The following SVEP1 variants were observed in gnomAD, a reference collection of about 807,000 sequenced individuals.
SVEP1 encodes sushi, von Willebrand factor type A, EGF and pentraxin domain containing 1, also known as sushi, von Willebrand factor type A, EGF and pentraxin domain-containing protein 1.
In SVEP1, 164 loss-of-function variants were observed where a neutral mutation model predicts 367.3. The observed-to-expected ratio is 0.45, with a 90% confidence interval of 0.39 to 0.51. The LOEUF (loss-of-function observed/expected upper bound fraction) is 0.51, where lower values mean the gene tolerates loss of function less well. Ranked by LOEUF, SVEP1 falls within the 20% of genes least tolerant of loss-of-function variation. SVEP1 has a pLI of 0.00. For missense variants in SVEP1, 4,117 were observed against 4,425.3 expected (o/e 0.93, Z 1.98); for synonymous variants, 1,666 against 1,611.6 (o/e 1.03, Z -0.81).
intron 36 of SVEP1, 39 bp from the exon 37 acceptor site, chr9:110,411,774 A>G (rs1325721044): frequency 6.9e-7 from 1 of 1,442,572 alleles, no homozygotes; most frequent in South Asian, 1.5e-5. Flanking sequence ...ACTAAGCATA[A>G]TATTTGAGAA....
chr9:110,512,439 T>G (rs1234398982), intron 5 of SVEP1, among the ~76,000 whole-genome samples: 1 of 152,140 alleles, frequency 6.6e-6, no homozygotes, highest in Non-Finnish European at 1.5e-5. Flanking sequence ...CACTTTCTAT[T>G]GGCCTGAATA....
intron 1 of SVEP1, among the ~76,000 whole-genome samples, chr9:110,570,105 A>C (rs1830537547): frequency 6.6e-6 from 1 of 152,206 alleles, no homozygotes; most frequent in Non-Finnish European, 1.5e-5. Flanking sequence ...TCCAAACCAG[A>C]GCAGGTTACT....
chr9:110,432,518 G>A lies in SVEP1; in HGVS notation c.5177C>T (p.Ser1726Leu). The A allele has an allele frequency of 2.5e-6, 4 of 1,613,846 alleles. No homozygotes were observed. The highest frequency in any genetic ancestry group is 3.4e-6 in the Non-Finnish European group (4 of 1,179,808). ...CNNGYYLLGD[S>L]RMFCTDNGSW... ...CCCATTATCTGTACAGAACATCCTT[G>A]AGTCACCCAATAGATAGTAGCCATT... The change falls in exon 31 of 48, where the codon TCA becomes TTA. Residue 1726 changes from serine to leucine, a missense_variant. Physicochemically the swap from Ser to Leu is moderately radical, Grantham distance 145 (BLOSUM62 -2). Transcript: ENST00000374469.
intron 43 of SVEP1, among the ~76,000 whole-genome samples, chr9:110,382,195 T>C (rs1588022100): frequency 6.6e-6 from 1 of 151,524 alleles, no homozygotes; most frequent in African/African-American, 2.5e-5. Context: ...TACTTCAGGG[T>C]GTTTTTTGTA....
chr9:110,458,888 C>T (rs1295137494), intron 19 of SVEP1, 64 bp downstream of exon 19: 2 of 1,559,460 alleles, frequency 1.3e-6, no homozygotes, highest in Non-Finnish European at 8.7e-7. Context: ...ACTGAAGCTA[C>T]AACAGAGACA....
chr9:110,366,466 A>G lies in SVEP1; in HGVS notation c.*73T>C. The G allele has an allele frequency of 7.0e-7, 1 of 1,424,888 alleles. No homozygotes were observed. Among genetic ancestry groups the G allele is most frequent in the East Asian group, 2.5e-5 (1 of 40,254 alleles). The allele number at this position is 1,424,888 out of a possible 1,614,324, so 88.3% of individuals were successfully genotyped here. A position where few individuals can be genotyped will look rare whatever the true frequency, so the allele number is the denominator to read the frequency against. On this transcript the variant is annotated 3_prime_UTR_variant, in exon 48 of 48. Transcript: ENST00000374469. Reference sequence around the variant, plus strand: ...CACCATGTTGGACTTTCTTTGCATAAGTTCCAGGATGCCCAGGCACTACCG... The same window carrying G: ...CACCATGTTGGACTTTCTTTGCATAGGTTCCAGGATGCCCAGGCACTACCG...
At chr9:110,505,662 A>C (rs567880003) in intron 5 of SVEP1, among the ~76,000 whole-genome samples, 2 of 151,556 alleles carry the variant, frequency 1.3e-5, no homozygotes, top group Non-Finnish European at 2.9e-5. Flanking sequence ...ATATCCAATA[A>C]CCTTTTTTAA....
intron 1 of SVEP1, among the ~76,000 whole-genome samples, chr9:110,554,911 G>GTT (rs1469429594): frequency 6.6e-6 from 1 of 152,106 alleles, no homozygotes; most frequent in Non-Finnish European, 1.5e-5. Context: ...CCAATTATCT[G>GTT]TTATGATTGA....
chr9:110,379,244 G>A, intron 44 of SVEP1, 103 bp downstream of exon 44: 1 of 1,289,382 alleles, frequency 7.8e-7, no homozygotes, highest in Non-Finnish European at 1.0e-6. Context: ...TTAAAGCCAA[G>A]GAAAAATAAA....
chr9:110,387,459 C>CTAAAAACAAGAA lies in SVEP1; in HGVS notation c.9887-13_9887-2dup, dbSNP rs769876413. On this transcript the variant is annotated splice_acceptor_variant, in intron 41 of 47. Transcript: ENST00000374469. LOFTEE classifies it high-confidence loss of function. ...TCAAGTGGAGTTTCACACCTGGTCT[C>CTAAAAACAAGAA]TAAAAACAAGAATAAAAGCCTCATA... The CTAAAAACAAGAA allele has an allele frequency of 6.3e-7, 1 of 1,595,188 alleles. No individual in the cohort carries two copies. The highest frequency in any genetic ancestry group is 1.1e-5 in the South Asian group (1 of 87,262).
At chr9:110,450,467 G>GTTTTTTTT (rs10656079) in intron 23 of SVEP1, among the ~76,000 whole-genome samples, 3 of 102,106 alleles carry the variant, frequency 2.9e-5, no homozygotes, top group African/African-American at 7.4e-5. Flanking sequence ...TTGATAATCT[G>GTTTTTTTT]TTTTTTTTTT....
intron 41 of SVEP1, 115 bp from the exon 42 acceptor site, chr9:110,387,573 TGTGTGAAGCA>T (rs1356025860): frequency 4.3e-6 from 5 of 1,153,412 alleles, no homozygotes; most frequent in Non-Finnish European, 5.9e-6. Context: ...GGCCTACTCA[TGTGTGAAGCA>T]CAGTGATATT....
chr9:110,426,453 T>C (rs1828254401), intron 36 of SVEP1, among the ~76,000 whole-genome samples: 1 of 152,216 alleles, frequency 6.6e-6, no homozygotes. Context: ...ACTCATTTTA[T>C]GCAGGAGGAC....
At chr9:110,459,292 T>C (rs1326959388) in intron 18 of SVEP1, among the ~76,000 whole-genome samples, 179 bp from the exon 19 acceptor site, 1 of 152,230 alleles carries the variant, frequency 6.6e-6, no homozygotes, top group African/African-American at 2.4e-5. Flanking sequence ...CTCCTTCCTA[T>C]CTTTAGTAAC....
chr9:110,516,440 A>T (rs1287600029), intron 3 of SVEP1, among the ~76,000 whole-genome samples: 1 of 151,934 alleles, frequency 6.6e-6, no homozygotes, highest in Non-Finnish European at 1.5e-5. Context: ...AATAGTAATA[A>T]TGATATAAGA....
At chr9:110,520,391 G>A (rs542249280) in intron 3 of SVEP1, among the ~76,000 whole-genome samples, 1 of 152,212 alleles carries the variant, frequency 6.6e-6, no homozygotes, top group African/African-American at 2.4e-5. Context: ...TTTTTAATAT[G>A]CGATGTTTCC....
At chr9:110,369,416 G>T (rs778169679) in intron 47 of SVEP1, among the ~76,000 whole-genome samples, 2 of 151,994 alleles carry the variant, frequency 1.3e-5, no homozygotes, top group South Asian at 2.1e-4. Context: ...TAAAATAAAC[G>T]TTTCTTATCA....
intron 1 of SVEP1, among the ~76,000 whole-genome samples, chr9:110,577,690 T>C (rs1009479160): frequency 6.6e-6 from 1 of 151,738 alleles, no homozygotes; most frequent in Non-Finnish European, 1.5e-5. Context: ...TTGCAACATA[T>C]ACACAAAAGA....
intron 40 of SVEP1, among the ~76,000 whole-genome samples, chr9:110,397,729 A>T (rs1454667243): frequency 6.6e-6 from 1 of 152,070 alleles, no homozygotes; most frequent in Non-Finnish European, 1.5e-5. Flanking sequence ...TCATGAGTGA[A>T]CTCCCATTCA....
Sources: allele counts gnomAD v4.1 joint callset (sites outside exome capture counted in the v4.1 genomes callset), GRCh38; gene constraint gnomAD v4.1.1; transcripts MANE v1.5; gene names NCBI Gene and HGNC (gene_info 2026-07-23, HGNC 2026-07-21).